Variants in NEDD9 observed in about 807,000 individuals in gnomAD.
The protein encoded by NEDD9 is neural precursor cell expressed, developmentally down-regulated 9.
In NEDD9, 26 loss-of-function variants were observed where a neutral mutation model predicts 76.6. The ratio of observed to expected loss-of-function variants is 0.34; its 90% CI spans 0.25 to 0.47. NEDD9 has a LOEUF of 0.47. NEDD9 is among the 20% of genes least tolerant of loss of function. The probability of loss-of-function intolerance (pLI) is 1.00; values close to 1 mark genes in which losing one functional copy is unlikely to be tolerated. For missense variants in NEDD9, 937 were observed against 1,058.5 expected, an observed-to-expected ratio of 0.89 and a Z score of 1.59; for synonymous variants, 392 against 414.2, an observed-to-expected ratio of 0.95 and a Z score of 0.65.
chr6:11,321,034 T>C (rs899594375), intron 2 of NEDD9, among the ~76,000 whole-genome samples: 3 of 149,682 alleles, frequency 2.0e-5, no homozygotes, highest in African/African-American at 4.9e-5. Flanking sequence ...TTGAAGCATG[T>C]GTTGTTAACC....
chr6:11,337,216 T>C (rs536445707), intron 1 of NEDD9, among the ~76,000 whole-genome samples: 39 of 152,202 alleles, frequency 2.6e-4, no homozygotes, highest in African/African-American at 9.2e-4. Flanking sequence ...AGATTCTGTC[T>C]CAAAAACAAA....
intron 2 of NEDD9, among the ~76,000 whole-genome samples, chr6:11,212,875 G>A (rs1317860263): frequency 1.3e-5 from 2 of 152,224 alleles, no homozygotes; most frequent in Non-Finnish European, 2.9e-5. Flanking sequence ...TTTGGCCAAG[G>A]GAGGATCCTT....
At chr6:11,292,976 G>C (rs969736642) in intron 3 of NEDD9, among the ~76,000 whole-genome samples, 1 of 152,194 alleles carries the variant, frequency 6.6e-6, no homozygotes. Flanking sequence ...CCATGAACTA[G>C]ATTCATTAAG....
rs184379432 is a variant in NEDD9, at chr6:11,370,673, G to T, written c.-214+11466C>A. Among the ~76,000 whole-genome samples, 17 of 152,192 alleles carry T rather than the reference G, an allele frequency of 1.1e-4. No individual in the cohort carries two copies. The highest frequency in any genetic ancestry group is 1.0e-3 in the Admixed American group (16 of 15,290). ...CTGCCTGGTAGCACCCGTCCCTCAC[G>T]CTCACTGGATGATCCACTCACTGGC... On this transcript the variant is annotated intron_variant, in intron 1 of 3. Coordinates refer to the NEDD9 transcript ENST00000397378. The surrounding 1 kb of genome is among the most constrained non-coding windows in gnomAD (Gnocchi z 4.2).
At chr6:11,285,397 G>A (rs11963836) in intron 3 of NEDD9, among the ~76,000 whole-genome samples, 2,648 of 152,162 alleles carry the variant, frequency 0.017, 75 homozygotes, top group African/African-American at 0.059. Flanking sequence ...GACTTATATC[G>A]GTAAGATGTC....
chr6:11,306,046 A>G (rs1306474716), exon 3 of NEDD9: 1 of 1,613,448 alleles, frequency 6.2e-7, no homozygotes, highest in Non-Finnish European at 8.5e-7. Flanking sequence ...TGGAAAGGAC[A>G]ATTCCGGCGT....
intron 1 of NEDD9, among the ~76,000 whole-genome samples, chr6:11,343,145 T>A (rs1319146807): frequency 1.3e-5 from 2 of 152,088 alleles, no homozygotes. Context: ...AAAAGGTAAC[T>A]TCGGCCCAGT....
intron 1 of NEDD9, among the ~76,000 whole-genome samples, chr6:11,228,291 G>A (rs1759368336): frequency 6.6e-6 from 1 of 152,212 alleles, no homozygotes; most frequent in African/African-American, 2.4e-5. Context: ...AGCACTTTGG[G>A]AGGCTGAGGC....
intron 1 of NEDD9, among the ~76,000 whole-genome samples, chr6:11,357,254 G>A (rs1477695013): frequency 1.3e-5 from 2 of 152,022 alleles, no homozygotes; most frequent in East Asian, 3.9e-4. Context: ...TATCCCTCTG[G>A]AAGCCCCAAA....
chr6:11,289,219 A>G (rs4713342), intron 3 of NEDD9, among the ~76,000 whole-genome samples: 42,325 of 152,158 alleles, frequency 0.28, 5,944 homozygotes, highest in Admixed American at 0.34. Context: ...GAGATGAAAA[A>G]GTGAACAATG....
At chr6:11,345,001 C>A (rs1762338861) in intron 1 of NEDD9, among the ~76,000 whole-genome samples, 1 of 152,104 alleles carries the variant, frequency 6.6e-6, no homozygotes, top group African/African-American at 2.4e-5. Flanking sequence ...GGAAAGGAAT[C>A]TGGGGGAATT....
upstream of NEDD9, among the ~76,000 whole-genome samples, chr6:11,233,624 A>G (rs75841305): frequency 5.3e-4 from 80 of 152,372 alleles, no homozygotes; most frequent in South Asian, 8.9e-3. Flanking sequence ...GAGCCTGGTT[A>G]AAAAGACCAG....
At chr6:11,332,039 C>A (rs950774084) in intron 2 of NEDD9, among the ~76,000 whole-genome samples, 9 of 152,166 alleles carry the variant, frequency 5.9e-5, no homozygotes, top group African/African-American at 2.2e-4. Context: ...AAGTTTGAAC[C>A]AGAAGCAACA....
intron 3 of NEDD9, among the ~76,000 whole-genome samples, chr6:11,267,675 A>G (rs1760224707): frequency 2.6e-5 from 4 of 151,710 alleles, no homozygotes; most frequent in Admixed American, 1.3e-4. Context: ...AGCTAGTAAG[A>G]AAAAAAAATT....
At chr6:11,306,237 A>G in intron 2 of NEDD9, 1 of 565,598 alleles carries the variant, frequency 1.8e-6, no homozygotes, top group Non-Finnish European at 3.2e-6. Flanking sequence ...GGGTTGCATC[A>G]TAGCAGCTGG....
chr6:11,235,449 C>T (rs2182337), upstream of NEDD9, among the ~76,000 whole-genome samples: 22,415 of 152,078 alleles, frequency 0.15, 1,704 homozygotes, highest in Middle Eastern at 0.26. This position sits in a 1 kb window ranked among gnomAD's most constrained non-coding sequence, Gnocchi z 4.1. Context: ...GAGGATACAG[C>T]AGTAGCCCAG....
intron 2 of NEDD9, among the ~76,000 whole-genome samples, chr6:11,310,298 C>T (rs564368634): frequency 3.2e-4 from 49 of 152,334 alleles, no homozygotes; most frequent in African/African-American, 1.2e-3. Flanking sequence ...CCACAGCCTC[C>T]TCACATGCCC....
intron 1 of NEDD9, among the ~76,000 whole-genome samples, chr6:11,228,906 A>T (rs913434347): frequency 1.3e-5 from 2 of 152,274 alleles, no homozygotes; most frequent in African/African-American, 4.8e-5. Context: ...CAGGAGTCCT[A>T]CATTTGGATT....
At chr6:11,355,644 G>A (rs182264929) in intron 1 of NEDD9, among the ~76,000 whole-genome samples, 49 of 152,128 alleles carry the variant, frequency 3.2e-4, no homozygotes, top group Admixed American at 1.5e-3. Context: ...TGAATGGGGC[G>A]TATGTGGCAG....
Sources: gnomAD v4.1 joint callset for allele counts (sites outside exome capture counted in the v4.1 genomes callset) on GRCh38, gnomAD v4.1.1 for gene constraint, Gnocchi (gnomAD v3.1) non-coding constraint, MANE v1.5 for transcripts, NCBI Gene and HGNC (gene_info 2026-07-23, HGNC 2026-07-21) for gene names.